Variants in IFT81 observed in about 807,000 individuals in gnomAD.
IFT81 encodes the protein intraflagellar transport protein 81 homolog.
A neutral mutation model predicts 102.6 loss-of-function variants in IFT81; 72 were observed. That is an observed-to-expected ratio of 0.70 (90% CI 0.58 to 0.85). The LOEUF (loss-of-function observed/expected upper bound fraction) is 0.85. Among genes scored for constraint, IFT81 ranks in the 40% least tolerant of loss-of-function variants. The probability of loss-of-function intolerance (pLI) is 0.00; values close to 1 mark genes in which losing one functional copy is unlikely to be tolerated. For missense variants in IFT81, 723 were observed against 787.3 expected, an observed-to-expected ratio of 0.92 and a Z score of 0.98; for synonymous variants, 237 against 242.7, an observed-to-expected ratio of 0.98 and a Z score of 0.22.
chr12:110,150,677 C>A (rs1368268706), intron 10 of IFT81, among the ~76,000 whole-genome samples: 1 of 152,110 alleles, frequency 6.6e-6, no homozygotes, highest in Non-Finnish European at 1.5e-5. Flanking sequence ...ACAACAGTCT[C>A]AGAATAAAAG....
At chr12:110,202,866 T>C (rs182132943) in intron 14 of IFT81, among the ~76,000 whole-genome samples, 20 of 152,310 alleles carry the variant, frequency 1.3e-4, no homozygotes, top group African/African-American at 4.8e-4. Flanking sequence ...TTTTGAGATT[T>C]AGTTATTGTC....
chr12:110,151,050 C>G (rs1022282133), intron 10 of IFT81, among the ~76,000 whole-genome samples: 2 of 151,984 alleles, frequency 1.3e-5, no homozygotes, highest in African/African-American at 2.4e-5. Flanking sequence ...TATAATTCAC[C>G]CATTTAAAGT....
In IFT81 at chr12:110,135,002, T is replaced by A. The variant is rs768372021; in HGVS notation, c.574T>A (p.Leu192Met). ...KDQLIKRVEH[L>M]KKRVETAQNH... Reference sequence around the variant, plus strand: ...TCAGCTCATTAAGAGAGTTGAACATTTGAAGAAAAGGGTAAGGCAGAATTA... The same window carrying A: ...TCAGCTCATTAAGAGAGTTGAACATATGAAGAAAAGGGTAAGGCAGAATTA... Residue 192 changes from leucine (L) to methionine (M), a missense_variant, in exon 6 of 19, where the codon TTG (leucine) becomes ATG (methionine). Leu to Met is a conservative substitution (Grantham distance 15, BLOSUM62 2). Transcript: ENST00000242591. 2 of 1,609,458 alleles carry A rather than the reference T, an allele frequency of 1.2e-6. No individual in the cohort carries two copies. Among genetic ancestry groups the A allele is most frequent in the African/African-American group, 2.7e-5 (2 of 74,612 alleles).
chr12:110,140,493 GA>G (rs1894824293), intron 8 of IFT81, among the ~76,000 whole-genome samples: 1 of 152,096 alleles, frequency 6.6e-6, no homozygotes, highest in African/African-American at 2.4e-5. Context: ...GCTAGAATTA[GA>G]AACTTTTTTT....
chr12:110,154,647 AAAAG>A (rs1338881684), intron 10 of IFT81, among the ~76,000 whole-genome samples: 3 of 151,914 alleles, frequency 2.0e-5, no homozygotes, highest in South Asian at 2.1e-4. Context: ...AAAAAAAAGA[AAAAG>A]AAAGAAAGAA....
At chr12:110,151,597 T>C (rs902771577) in intron 10 of IFT81, among the ~76,000 whole-genome samples, 2 of 152,224 alleles carry the variant, frequency 1.3e-5, no homozygotes, top group African/African-American at 4.8e-5. Context: ...TTTTGAAATA[T>C]GTATACATCA....
intron 15 of IFT81, chr12:110,204,705 A>T (rs1270909219): frequency 6.6e-6 from 1 of 152,236 alleles, no homozygotes; most frequent in Non-Finnish European, 1.5e-5. Flanking sequence ...CCTTTCAGAG[A>T]TCTCTGATCA....
intron 12 of IFT81, among the ~76,000 whole-genome samples, chr12:110,184,165 AC>A (rs1379729614): frequency 6.6e-6 from 1 of 152,154 alleles, no homozygotes; most frequent in Non-Finnish European, 1.5e-5. Flanking sequence ...CTTGGCTAAC[AC>A]GGTGAAACCC....
At chr12:110,214,975 T>G (rs932488274) in intron 18 of IFT81, among the ~76,000 whole-genome samples, 3 of 152,244 alleles carry the variant, frequency 2.0e-5, no homozygotes, top group Non-Finnish European at 4.4e-5. Flanking sequence ...ATAGATGTAT[T>G]AATATGCCAG....
intron 3 of IFT81, 86 bp downstream of exon 3, chr12:110,128,235 T>C (rs1359114738): frequency 2.5e-6 from 2 of 801,920 alleles, no homozygotes; most frequent in Non-Finnish European, 4.2e-6. Flanking sequence ...TTGTAGGTAA[T>C]ACCTGGTTTC....
At chr12:110,154,262 G>A (rs2137404817) in intron 10 of IFT81, among the ~76,000 whole-genome samples, 1 of 149,150 alleles carries the variant, frequency 6.7e-6, no homozygotes, top group African/African-American at 2.4e-5. Flanking sequence ...GGATTACAGA[G>A]CTTGCAATGA....
chr12:110,218,408 A>G lies in IFT81; in HGVS notation c.*182A>G, dbSNP rs117833221. 5.4e-3 allele frequency: 2,476 copies of G among 457,350 alleles called. 11 individuals carry two copies. The highest frequency in any genetic ancestry group is 0.015 in the Middle Eastern group (29 of 1,908). 28.3% of individuals were successfully genotyped at this position (457,350 alleles called of 1,614,324 possible). A position where few individuals can be genotyped will look rare whatever the true frequency, so the allele number is the denominator to read the frequency against. ...TAGTTTGAATGTTTTTTCATATGAA[A>G]AAGAGGCTTTTATTCTTTTCCATAG... On this transcript the variant is annotated 3_prime_UTR_variant, in exon 19 of 19. Transcript: ENST00000242591.
intron 18 of IFT81, among the ~76,000 whole-genome samples, chr12:110,215,560 C>G (rs1242528941): frequency 1.4e-5 from 2 of 138,274 alleles, no homozygotes; most frequent in African/African-American, 5.4e-5. Context: ...TTCCCAGGCT[C>G]AAGTGATCTT....
intron 12 of IFT81, among the ~76,000 whole-genome samples, chr12:110,182,657 C>G (rs1221512530): frequency 6.6e-6 from 1 of 152,066 alleles, no homozygotes; most frequent in East Asian, 1.9e-4. Flanking sequence ...CTTATGATAC[C>G]CTGCTTTCTT....
chr12:110,216,571 G>T, intron 18 of IFT81: 1 of 453,088 alleles, frequency 2.2e-6, no homozygotes, highest in South Asian at 1.6e-5. Flanking sequence ...AGGCTGGAGT[G>T]CAGTGGCACA....
chr12:110,145,991 T>C (rs1422726863), intron 9 of IFT81, among the ~76,000 whole-genome samples: 2 of 151,646 alleles, frequency 1.3e-5, no homozygotes, highest in Non-Finnish European at 2.9e-5. Context: ...TTTGTATTTT[T>C]AGTAGAGACG....
At chr12:110,213,376 C>A (rs532844561) in intron 18 of IFT81, among the ~76,000 whole-genome samples, 1 of 151,936 alleles carries the variant, frequency 6.6e-6, no homozygotes, top group East Asian at 1.9e-4. Context: ...TTAGCATGTT[C>A]TTCTGTCCCC....
At chr12:110,183,115 G>C (rs1307687419) in intron 12 of IFT81, among the ~76,000 whole-genome samples, 1 of 152,130 alleles carries the variant, frequency 6.6e-6, no homozygotes, top group Admixed American at 6.5e-5. Flanking sequence ...ATGGTCATAC[G>C]AATGCTATCA....
In IFT81 at chr12:110,205,630, G is replaced by A; in HGVS notation, c.1752G>A (p.Glu584=). 6.2e-7 allele frequency: 1 copy of A among 1,604,782 alleles called. No homozygotes were observed. The highest frequency in any genetic ancestry group is 8.5e-7 in the Non-Finnish European group (1 of 1,177,442). Residue 584 remains glutamate, a synonymous_variant, in exon 17 of 19, where the codon GAG becomes GAA. Coordinates refer to ENST00000242591, the MANE Select transcript of IFT81 (RefSeq NM_014055.4). ...TTCAACTTCGTCGTGCTACTGATGA[G>A]ATGAAGGCATATATCTCTTCTGATC... The part of the protein sequence containing the change: ...LEVQLRRATD[E]MKAYISSDQQ...
Sources: allele counts gnomAD v4.1 joint callset (sites outside exome capture counted in the v4.1 genomes callset), GRCh38; gene constraint gnomAD v4.1.1; transcripts MANE v1.5; gene names NCBI Gene and HGNC (gene_info 2026-07-23, HGNC 2026-07-21).